EGFL6: variants seen among roughly 807,000 people sequenced by gnomAD.
The protein encoded by EGFL6 is EGF like domain multiple 6.
A neutral mutation model predicts 43.1 loss-of-function variants in EGFL6; 42 were observed. The ratio of observed to expected loss-of-function variants is 0.98; its 90% confidence interval spans 0.76 to 1.26. The LOEUF (loss-of-function observed/expected upper bound fraction) is 1.26. Among genes scored for constraint, EGFL6 ranks in the 50% most tolerant of loss-of-function variants. EGFL6 has a pLI of 0.00. For missense variants in EGFL6, 429 were observed against 427.8 expected (o/e 1.00, Z -0.02); for synonymous variants, 164 against 163.2 (o/e 1.01, Z -0.04).
intron 3 of EGFL6, chrX:13,596,272 C>T (rs1054432047): frequency 1.8e-5 from 2 of 111,338 alleles, no homozygotes; most frequent in African/African-American, 3.3e-5. Flanking sequence ...ATCTGTCACC[C>T]CATTGCTCAC....
chrX:13,594,967 C>T (rs745705537), intron 3 of EGFL6, 39 bp downstream of exon 3: 1 of 1,081,930 alleles, frequency 9.2e-7, no homozygotes, highest in East Asian at 3.0e-5. Context: ...CAAATTCAAT[C>T]ATTGCAGCAG....
intron 3 of EGFL6, chrX:13,596,585 C>T (rs1488049906): frequency 8.9e-6 from 1 of 112,006 alleles, no homozygotes; most frequent in Non-Finnish European, 1.9e-5. Context: ...CACTATGTTG[C>T]CTAGGCTGGA....
At chrX:13,578,409 C>A (rs1157397395) in intron 1 of EGFL6, among the ~76,000 whole-genome samples, 2 of 107,463 alleles carry the variant, frequency 1.9e-5, no homozygotes, top group African/African-American at 6.8e-5. Flanking sequence ...TACCATTAGA[C>A]CCAGCCATCC....
chrX:13,617,158 A>ATAAACTCATTTAGCT (rs2045723586), intron 7 of EGFL6, among the ~76,000 whole-genome samples: 1 of 112,679 alleles, frequency 8.9e-6, no homozygotes, highest in African/African-American at 3.2e-5. Context: ...TATTTAATAA[A>ATAAACTCATTTAGCT]TAAACTCATT....
intron 3 of EGFL6, among the ~76,000 whole-genome samples, chrX:13,598,523 A>G (rs757487181): frequency 1.9e-5 from 2 of 107,740 alleles, no homozygotes; most frequent in African/African-American, 6.7e-5. Context: ...CTTCTGTGTC[A>G]TTTTTTATTT....
intron 1 of EGFL6, among the ~76,000 whole-genome samples, chrX:13,577,036 T>C (rs2045475336): frequency 9.0e-6 from 1 of 110,504 alleles, no homozygotes; most frequent in African/African-American, 3.3e-5. Flanking sequence ...TAATGCAACA[T>C]TAACTGAACA....
At position 13,569,856 on chromosome X, in the gene EGFL6, G is replaced by A. The variant is rs756459056; in HGVS notation, c.-6G>A. Reference sequence around the variant, plus strand: ...CTCAGGAGGAGGAAGGAGGACCCGTGCGAGAATGCCTCTGCCCTGGAGCCT... The same window carrying A: ...CTCAGGAGGAGGAAGGAGGACCCGTACGAGAATGCCTCTGCCCTGGAGCCT... On this transcript the variant is annotated 5_prime_UTR_variant, in exon 1 of 12. Coordinates refer to ENST00000361306, the MANE Select transcript of EGFL6 (RefSeq NM_015507.4). 8.3e-7 allele frequency: 1 copy of A among 1,211,784 alleles called. No individual in the cohort carries two copies. Among genetic ancestry groups the A allele is most frequent in the Non-Finnish European group, 1.1e-6 (1 of 895,157 alleles).
intron 9 of EGFL6, among the ~76,000 whole-genome samples, chrX:13,622,870 A>T (rs1325475791): frequency 1.8e-5 from 2 of 111,943 alleles, no homozygotes; most frequent in Non-Finnish European, 3.8e-5. Flanking sequence ...TTTCTCTGAC[A>T]CATCTAAACA....
chrX:13,595,009 C>A, intron 3 of EGFL6, 81 bp downstream of exon 3: 1 of 719,792 alleles, frequency 1.4e-6, no homozygotes, highest in Non-Finnish European at 2.0e-6. Flanking sequence ...CGCAGGATTT[C>A]TTAGGGTTTT....
rs185427946 is a variant in EGFL6, at chrX:13,583,695, C to A, written c.75-5861C>A. On this transcript the variant is annotated intron_variant, in intron 1 of 11. Coordinates refer to ENST00000361306, the MANE Select transcript of EGFL6 (RefSeq NM_015507.4). The stretch of plus-strand genomic sequence containing the variant: ...CTTTAAGGTGAAATTCTATGATAAT[C>A]TCCCCTTAGAATGAACAGTTATTCC... Among the ~76,000 whole-genome samples, 115 of 112,090 alleles carry A rather than the reference C, an allele frequency of 1.0e-3. 1 individual carries two copies. The Admixed American group carries it at 0.01, about 10-fold the overall frequency.
At chrX:13,612,871 G>A (rs978029760) in intron 7 of EGFL6, among the ~76,000 whole-genome samples, 1 of 111,846 alleles carries the variant, frequency 8.9e-6, no homozygotes, top group African/African-American at 3.2e-5. Context: ...TAGGCCGGGC[G>A]CAGTAGCTCA....
rs200583207 is a variant in EGFL6, at chrX:13,619,184, G to A, written c.1124G>A (p.Gly375Asp). 1.8e-4 allele frequency: 219 copies of A among 1,210,049 alleles called. No homozygotes were observed. Among genetic ancestry groups the A allele is most frequent in the Admixed American group, 1.3e-4 (6 of 45,829 alleles). The change falls in exon 9 of 12, where the codon GGT (glycine) becomes GAT (aspartate). Residue 375 changes from glycine (G) to aspartate (D), a missense_variant. Gly to Asp is a moderately conservative substitution (Grantham distance 94). Coordinates refer to ENST00000361306, the MANE Select transcript of EGFL6 (RefSeq NM_015507.4). The part of the protein sequence containing the change: ...DVFFPKVNEA[G>D]EFGLILVQRK... ...TTAGTCCCTAAGGTGAATGAAGCAGGTGAATTCGGCCTGATTCTGGTCCAA... is the reference window on the plus strand; with the variant it reads ...TTAGTCCCTAAGGTGAATGAAGCAGATGAATTCGGCCTGATTCTGGTCCAA...
At chrX:13,583,194 T>A (rs1461629463) in intron 1 of EGFL6, among the ~76,000 whole-genome samples, 1 of 110,331 alleles carries the variant, frequency 9.1e-6, no homozygotes, top group Admixed American at 9.7e-5. Context: ...ACACTCAAAT[T>A]TTCAGGCCAC....
At chrX:13,619,390 A>G in intron 9 of EGFL6, 147 bp downstream of exon 9, 3 of 500,533 alleles carry the variant, frequency 6.0e-6, no homozygotes, top group Non-Finnish European at 1.0e-5. Flanking sequence ...ACACAGTGCC[A>G]GTATTAAAAT....
chrX:13,627,066 C>T lies in EGFL6; in HGVS notation c.1341C>T (p.Gly447=), dbSNP rs764602754. Residue 447 remains glycine, a synonymous_variant, in exon 11 of 12, where the codon GGC becomes GGT. Transcript: ENST00000361306. ...TGGCAGGTCACAAGAAAGACATTGG[C>T]CGATTGAAACTTCTCCTACCTGACC... The part of the protein sequence containing the change: ...PALAGHKKDI[G]RLKLLLPDLQ... 3 of 1,211,956 alleles carry T rather than the reference C, an allele frequency of 2.5e-6. No homozygotes were observed. The East Asian group carries it at 8.9e-5, about 36-fold the overall frequency.
chrX:13,599,439 G>T (rs1277090998), intron 3 of EGFL6, among the ~76,000 whole-genome samples: 2 of 110,504 alleles, frequency 1.8e-5, no homozygotes, highest in Non-Finnish European at 3.8e-5. Context: ...TATATAAATG[G>T]ACTCATACAG....
intron 10 of EGFL6, 21 bp from the exon 11 acceptor site, chrX:13,626,990 A>AT (rs767439119): frequency 1.7e-4 from 199 of 1,200,520 alleles, no homozygotes; most frequent in Non-Finnish European, 8.8e-5. Flanking sequence ...TTAATTGTGC[A>AT]TTTTTTCCCT....
At chrX:13,600,844 AT>A (rs767147767) in intron 4 of EGFL6, among the ~76,000 whole-genome samples, 1 of 109,850 alleles carries the variant, frequency 9.1e-6, no homozygotes, top group South Asian at 4.0e-4. Flanking sequence ...ATTATTTTAA[AT>A]TTCAAGTGAA....
In EGFL6 at chrX:13,628,597, TGAGGTTGGGAGTTCAA is replaced by T. The variant is rs1375183690; in HGVS notation, c.1551+1324_1551+1339del. ...GGGAGGCCGAGACAGGCAGATCACC[TGAGGTTGGGAGTTCAA>T]GACCAGCCTGACCAACATGGAGAAA... On this transcript the variant is annotated intron_variant, in intron 11 of 11. Transcript: ENST00000361306. 1.1e-3 allele frequency among the ~76,000 whole-genome samples: 125 copies of T among 111,297 alleles called. 1 individual carries two copies. Among genetic ancestry groups the T allele is most frequent in the Non-Finnish European group, 2.0e-3 (108 of 53,060 alleles).
Sources: gnomAD v4.1 joint callset for allele counts (sites outside exome capture counted in the v4.1 genomes callset) on GRCh38, gnomAD v4.1.1 for gene constraint, MANE v1.5 for transcripts, NCBI Gene and HGNC (gene_info 2026-07-23, HGNC 2026-07-21) for gene names.